DLG2: variants seen among roughly 807,000 people sequenced by gnomAD.
DLG2 encodes the protein disks large homolog 2.
DLG2 carries 45 observed loss-of-function variants against 132.5 expected under a neutral mutation model. That is an observed-to-expected ratio of 0.34 (90% CI 0.27 to 0.44). The LOEUF is 0.44. Among genes scored for constraint, DLG2 ranks in the 20% least tolerant of loss-of-function variants. The pLI is 1.00. For synonymous variants in DLG2, 424 were observed against 419.6 expected (o/e 1.01, Z -0.13); for missense variants, 1,045 against 1,196.9 (o/e 0.87, Z 1.87).
intron 8 of DLG2, among the ~76,000 whole-genome samples, chr11:84,190,688 C>T (rs1014280981): frequency 5.9e-5 from 9 of 152,290 alleles, no homozygotes; most frequent in Admixed American, 1.3e-4. Flanking sequence ...TGGAGGCCCA[C>T]AGGCATTTCC....
At chr11:85,322,070 T>C (rs908271889) in intron 3 of DLG2, among the ~76,000 whole-genome samples, 1 of 152,064 alleles carries the variant, frequency 6.6e-6, no homozygotes, top group African/African-American at 2.4e-5. Flanking sequence ...ACTCCACTTT[T>C]ATACCTACTC....
intron 6 of DLG2, among the ~76,000 whole-genome samples, chr11:84,670,659 C>T (rs181962672): frequency 6.6e-6 from 1 of 152,108 alleles, no homozygotes; most frequent in Non-Finnish European, 1.5e-5. Flanking sequence ...TCACTAATCA[C>T]AATACATCTC....
intron 3 of DLG2, among the ~76,000 whole-genome samples, chr11:85,528,478 G>C (rs2074956930): frequency 6.6e-6 from 1 of 152,148 alleles, no homozygotes; most frequent in Non-Finnish European, 1.5e-5. Context: ...AAAACACAAT[G>C]AGATGTTAAG....
At chr11:83,472,932 A>C (rs1438729292) in intron 22 of DLG2, among the ~76,000 whole-genome samples, 155 bp from the exon 23 acceptor site, 1 of 151,772 alleles carries the variant, frequency 6.6e-6, no homozygotes, top group Non-Finnish European at 1.5e-5. Flanking sequence ...TCCTCATAAA[A>C]CTCTTTAGCA....
intron 11 of DLG2, among the ~76,000 whole-genome samples, chr11:84,058,188 T>C (rs2096534613): frequency 6.6e-6 from 1 of 152,128 alleles, no homozygotes. Context: ...AAATAGATTT[T>C]AAAGAAATGA....
intron 6 of DLG2, among the ~76,000 whole-genome samples, chr11:84,726,720 A>T (rs988464885): frequency 1.3e-5 from 2 of 152,010 alleles, no homozygotes; most frequent in Non-Finnish European, 2.9e-5. Context: ...ACTAATTTAC[A>T]CTCCCACCAA....
chr11:83,735,548 T>C (rs1026349847), intron 18 of DLG2, among the ~76,000 whole-genome samples: 46 of 152,360 alleles, frequency 3.0e-4, no homozygotes, highest in East Asian at 2.1e-3. Flanking sequence ...TTTTGTTAAC[T>C]CTTGGTGACA....
chr11:84,388,177 A>C (rs1456393410), intron 7 of DLG2, among the ~76,000 whole-genome samples: 1 of 152,166 alleles, frequency 6.6e-6, no homozygotes, highest in Non-Finnish European at 1.5e-5. Context: ...GAATTCCAAT[A>C]ATAACAGCAG....
intron 2 of DLG2, among the ~76,000 whole-genome samples, chr11:85,624,734 T>C (rs1451547032): frequency 1.3e-5 from 2 of 152,214 alleles, no homozygotes; most frequent in African/African-American, 2.4e-5. Flanking sequence ...TTTCTCTAGA[T>C]CAGTTTATAA....
chr11:84,316,958 C>A (rs557645711), intron 7 of DLG2: 2 of 1,612,760 alleles, frequency 1.2e-6, no homozygotes, highest in Admixed American at 3.3e-5. Flanking sequence ...CCCCCCGGTC[C>A]TGTTTGAAGC....
At chr11:85,424,546 T>A (rs1285964746) in intron 3 of DLG2, among the ~76,000 whole-genome samples, 1 of 152,204 alleles carries the variant, frequency 6.6e-6, no homozygotes, top group Non-Finnish European at 1.5e-5. Context: ...TTCCTTGACA[T>A]TTAAACCAGT....
At chr11:84,922,822 C>A (rs565224835) in intron 6 of DLG2, among the ~76,000 whole-genome samples, 21 of 150,710 alleles carry the variant, frequency 1.4e-4, no homozygotes, top group Admixed American at 1.3e-3. Flanking sequence ...TTCTTCCCCC[C>A]TCTCCACCCC....
intron 9 of DLG2, among the ~76,000 whole-genome samples, chr11:84,135,803 T>C (rs974192792): frequency 6.6e-6 from 1 of 152,124 alleles, no homozygotes; most frequent in African/African-American, 2.4e-5. Context: ...AGTGGGAGCA[T>C]AATGAGTATT....
intron 6 of DLG2, among the ~76,000 whole-genome samples, chr11:84,683,566 T>G (rs2099735409): frequency 6.6e-6 from 1 of 152,086 alleles, no homozygotes; most frequent in African/African-American, 2.4e-5. Context: ...AAACAGGGAT[T>G]AACGAAAAGC....
chr11:84,276,320 T>G (rs1439418151), intron 7 of DLG2, among the ~76,000 whole-genome samples: 1 of 152,238 alleles, frequency 6.6e-6, no homozygotes, highest in Non-Finnish European at 1.5e-5. Context: ...TAAGCAAATA[T>G]TACGTGTTTT....
intron 14 of DLG2, among the ~76,000 whole-genome samples, chr11:83,932,888 G>C (rs954523942): frequency 2.0e-5 from 3 of 152,130 alleles, no homozygotes; most frequent in Non-Finnish European, 4.4e-5. Context: ...ATTATAGCAT[G>C]TGCGCATGGT....
Position 84,729,651 on chromosome 11 carries a change from G to A in DLG2, c.358-194920C>T, listed in dbSNP as rs543098905. ...ATAGACTACTTTGAGCGAGTCACAC[G>A]TAGTGACTGCTTGGCCTTTATCTAA... On this transcript the variant is annotated intron_variant, in intron 6 of 27. Coordinates refer to ENST00000376104, the MANE Select transcript of DLG2 (RefSeq NM_001142699.3). Among the ~76,000 whole-genome samples the A allele has an allele frequency of 5.3e-5, 8 of 152,104 alleles. No individual in the cohort carries two copies. In the East Asian group the frequency reaches 1.2e-3, roughly 22 times the overall value.
At chr11:85,504,798 T>C (rs984156829) in intron 3 of DLG2, among the ~76,000 whole-genome samples, 2 of 152,212 alleles carry the variant, frequency 1.3e-5, no homozygotes, top group East Asian at 3.8e-4. Flanking sequence ...ATAAATTACC[T>C]TGGACAGTAT....
intron 6 of DLG2, among the ~76,000 whole-genome samples, chr11:84,798,139 T>A (rs1363250578): frequency 6.6e-6 from 1 of 152,174 alleles, no homozygotes; most frequent in Non-Finnish European, 1.5e-5. Context: ...AATAGAGCAC[T>A]GTACCTTGTC....
Sources: gnomAD v4.1 joint callset for allele counts (sites outside exome capture counted in the v4.1 genomes callset) on GRCh38, gnomAD v4.1.1 for gene constraint, MANE v1.5 for transcripts, NCBI Gene and HGNC (gene_info 2026-07-23, HGNC 2026-07-21) for gene names.